The following CFAP61 variants were observed in gnomAD, a reference collection of about 807,000 sequenced individuals.
The protein encoded by CFAP61 is cilia and flagella associated protein 61.
CFAP61 carries 107 observed loss-of-function variants against 135.6 expected under a neutral mutation model. That is an observed-to-expected ratio of 0.79 (90% CI 0.67 to 0.93). The LOEUF is 0.93. Among genes scored for constraint, CFAP61 ranks in the 40% least tolerant of loss-of-function variants. CFAP61 has a pLI of 0.00. For missense variants in CFAP61, 1,507 were observed against 1,556.2 expected (o/e 0.97, Z 0.53); for synonymous variants, 575 against 578.5 (o/e 0.99, Z 0.09).
intron 19 of CFAP61, among the ~76,000 whole-genome samples, chr20:20,248,104 C>T (rs932504178): frequency 1.3e-5 from 2 of 152,150 alleles, no homozygotes; most frequent in Admixed American, 1.3e-4. Context: ...CAGTCCTTGG[C>T]ACATAGCAGA....
chr20:20,293,894 T>G (rs1047855871), intron 24 of CFAP61, among the ~76,000 whole-genome samples: 2 of 152,198 alleles, frequency 1.3e-5, no homozygotes, highest in African/African-American at 2.4e-5. Flanking sequence ...GGAACTTGAT[T>G]TCTTGAACAC....
intron 18 of CFAP61, among the ~76,000 whole-genome samples, chr20:20,233,197 A>C (rs1470287088): frequency 2.6e-5 from 4 of 152,144 alleles, no homozygotes; most frequent in African/African-American, 9.7e-5. Flanking sequence ...CTGGCGGCTT[A>C]ATTAGGCTTT....
At chr20:20,123,033 A>AT (rs1479103541) in intron 8 of CFAP61, among the ~76,000 whole-genome samples, 1 of 151,328 alleles carries the variant, frequency 6.6e-6, no homozygotes, top group Admixed American at 6.6e-5. Context: ...GATGTTGAGC[A>AT]TTTTTTCATG....
chr20:20,151,771 A>C (rs1466593362), intron 9 of CFAP61, among the ~76,000 whole-genome samples: 4 of 136,848 alleles, frequency 2.9e-5, no homozygotes, highest in African/African-American at 1.1e-4. Context: ...TGGAGCCTGC[A>C]GTGAGCTGAG....
intron 14 of CFAP61, among the ~76,000 whole-genome samples, chr20:20,190,002 C>A (rs57485421): frequency 6.6e-6 from 1 of 152,100 alleles, no homozygotes; most frequent in Admixed American, 6.5e-5. Context: ...CCAGGCTGGT[C>A]TCGAACTCCT....
rs530552036 is a variant in CFAP61, at chr20:20,311,088, A to G, written c.3422+12702A>G. ...TCCCGGCCTGTGATATTTTGGCTAA[A>G]TCATGCTACACAGTATCTTGAGTGT... is the stretch of plus-strand genomic sequence containing the variant. On this transcript the variant is annotated intron_variant, in intron 25 of 26. Transcript: ENST00000245957. Among the ~76,000 whole-genome samples, 18 of 152,314 alleles carry G rather than the reference A, an allele frequency of 1.2e-4. No individual in the cohort carries two copies. In the East Asian group the frequency reaches 3.3e-3, roughly 28 times the overall value.
chr20:20,075,365 G>C, intron 5 of CFAP61, 109 bp downstream of exon 5: 2 of 1,436,664 alleles, frequency 1.4e-6, no homozygotes, highest in Non-Finnish European at 2.0e-6. Flanking sequence ...GGTCCTCAAT[G>C]TACCATGTGC....
intron 2 of CFAP61, among the ~76,000 whole-genome samples, chr20:20,062,593 GA>G (rs113132081): frequency 4.2e-5 from 6 of 143,794 alleles, no homozygotes; most frequent in Admixed American, 1.4e-4. Flanking sequence ...AAAGCCTAAA[GA>G]AAAAAAAAAT....
chr20:20,116,847 T>G (rs2049182094), intron 8 of CFAP61, among the ~76,000 whole-genome samples: 2 of 152,310 alleles, frequency 1.3e-5, no homozygotes, highest in South Asian at 4.1e-4. Flanking sequence ...GTGAGAACAT[T>G]TGATACTTGT....
At chr20:20,321,753 G>A (rs1220273207) in intron 25 of CFAP61, among the ~76,000 whole-genome samples, 1 of 152,182 alleles carries the variant, frequency 6.6e-6, no homozygotes, top group Non-Finnish European at 1.5e-5. Flanking sequence ...GTGATTGATA[G>A]GTATGGCTTG....
chr20:20,133,593 A>G (rs148403136), intron 8 of CFAP61, among the ~76,000 whole-genome samples: 3 of 152,364 alleles, frequency 2.0e-5, no homozygotes, highest in African/African-American at 4.8e-5. Context: ...AATCAGAGTC[A>G]TCATTGCAAC....
intron 15 of CFAP61, 57 bp downstream of exon 15, chr20:20,191,476 A>G: frequency 7.8e-7 from 1 of 1,277,546 alleles, no homozygotes; most frequent in East Asian, 2.4e-5. Flanking sequence ...ATCATGAATT[A>G]GCCCACAGTG....
intron 17 of CFAP61, among the ~76,000 whole-genome samples, chr20:20,217,990 G>T (rs1290525847): frequency 6.6e-6 from 1 of 152,122 alleles, no homozygotes; most frequent in Non-Finnish European, 1.5e-5. Flanking sequence ...CCAGAAACTT[G>T]TTCCCTCTTG....
At chr20:20,355,305 G>T (rs1270986249) in intron 26 of CFAP61, among the ~76,000 whole-genome samples, 1 of 132,436 alleles carries the variant, frequency 7.6e-6, no homozygotes, top group African/African-American at 2.9e-5. Context: ...AGGTCACACT[G>T]AGGGGAGGTA....
intron 13 of CFAP61, among the ~76,000 whole-genome samples, chr20:20,174,819 A>G (rs1433286842): frequency 2.0e-5 from 3 of 152,228 alleles, no homozygotes; most frequent in Non-Finnish European, 4.4e-5. Context: ...GTCACACAAA[A>G]TGCAGTTCGG....
At chr20:20,171,690 C>T in intron 13 of CFAP61, 1 of 545,942 alleles carries the variant, frequency 1.8e-6, no homozygotes, top group Non-Finnish European at 3.3e-6. Context: ...CAAAGAGGCA[C>T]AGGCATTACT....
At chr20:20,198,166 G>A (rs551396437) in intron 16 of CFAP61, among the ~76,000 whole-genome samples, 61 of 152,214 alleles carry the variant, frequency 4.0e-4, no homozygotes, top group Admixed American at 1.8e-3. Context: ...CAGCACCATG[G>A]CAATGAAATG....
At chr20:20,191,277 C>G (rs2055901236) in intron 14 of CFAP61, 65 bp from the exon 15 acceptor site, 2 of 1,364,010 alleles carry the variant, frequency 1.5e-6, no homozygotes, top group African/African-American at 2.9e-5. Flanking sequence ...CCCACTGTTG[C>G]CTGCTTACAA....
At chr20:20,287,292 G>C (rs943291152) in intron 22 of CFAP61, among the ~76,000 whole-genome samples, 28 of 152,196 alleles carry the variant, frequency 1.8e-4, no homozygotes, top group Admixed American at 1.7e-3. Context: ...ATCTCCCTGA[G>C]GGAGGACCAA....
Sources: allele counts gnomAD v4.1 joint callset (sites outside exome capture counted in the v4.1 genomes callset), GRCh38; gene constraint gnomAD v4.1.1; transcripts MANE v1.5; gene names NCBI Gene and HGNC (gene_info 2026-07-23, HGNC 2026-07-21).